Variants in SGIP1 observed in about 807,000 individuals in gnomAD.
SGIP1 encodes the protein SH3-containing GRB2-like protein 3-interacting protein 1.
Under a neutral mutation model 107.5 loss-of-function variants are expected in SGIP1, and 38 were observed. The ratio of observed to expected loss-of-function variants is 0.35; its 90% CI spans 0.27 to 0.46. The LOEUF (loss-of-function observed/expected upper bound fraction) is 0.46. Ranked by LOEUF, SGIP1 falls within the 20% of genes least tolerant of loss-of-function variation. The pLI, the probability that SGIP1 is intolerant of heterozygous loss-of-function variation, is 1.00. For missense variants in SGIP1, 929 were observed against 1,019.5 expected (o/e 0.91, Z 1.21); for synonymous variants, 365 against 366.1 (o/e 1.00, Z 0.03).
intron 18 of SGIP1, among the ~76,000 whole-genome samples, chr1:66,700,315 G>C (rs12063436): frequency 0.27 from 39,544 of 148,476 alleles, 5,442 homozygotes; most frequent in South Asian, 0.32. Flanking sequence ...AGGTTGCAGT[G>C]AGCCAAGATT....
At chr1:66,635,703 C>T (rs1307303672) in intron 3 of SGIP1, among the ~76,000 whole-genome samples, 1 of 152,114 alleles carries the variant, frequency 6.6e-6, no homozygotes, top group Non-Finnish European at 1.5e-5. Context: ...ACATATCTTC[C>T]TCCTCCTCCC....
chr1:66,534,362 A>T lies in SGIP1; in HGVS notation c.4A>T (p.Met2Leu). 2.5e-6 allele frequency: 4 copies of T among 1,614,100 alleles called. No individual in the cohort carries two copies. Among genetic ancestry groups the T allele is most frequent in the Non-Finnish European group, 3.4e-6 (4 of 1,180,000 alleles). Residue 2 changes from methionine (M) to leucine (L), a missense_variant, in exon 1 of 25, where the codon ATG becomes TTG. Met to Leu is a conservative substitution (Grantham distance 15). This residue lies in a region of SGIP1 where 588 missense variants were observed against 588.6 expected (regional missense o/e 1.00). Coordinates refer to ENST00000371037, the MANE Select transcript of SGIP1 (RefSeq NM_032291.4). M[M>L]EGLKKRTRKA... ...TAAGGAATGCAATTCTGCCACCATG[A>T]TGGAAGGTAGGATGCTTTCTGCTAT...
intron 1 of SGIP1, among the ~76,000 whole-genome samples, chr1:66,562,230 G>A (rs913902685): frequency 1.3e-5 from 2 of 151,910 alleles, no homozygotes; most frequent in South Asian, 2.1e-4. Flanking sequence ...TTTGGAGAGC[G>A]GCAACTTCTA....
At chr1:66,607,357 A>T (rs1193858862) in intron 1 of SGIP1, among the ~76,000 whole-genome samples, 1 of 152,210 alleles carries the variant, frequency 6.6e-6, no homozygotes, top group African/African-American at 2.4e-5. Context: ...TATAAATAAA[A>T]CCTGCTAGAC....
chr1:66,627,722 T>A (rs772551345), intron 2 of SGIP1, among the ~76,000 whole-genome samples: 46 of 152,326 alleles, frequency 3.0e-4, no homozygotes, highest in Admixed American at 1.7e-3. Context: ...GAGGATTATA[T>A]AATTTACATT....
intron 18 of SGIP1, among the ~76,000 whole-genome samples, chr1:66,710,822 T>C (rs769979330): frequency 2.0e-5 from 3 of 152,092 alleles, no homozygotes; most frequent in Non-Finnish European, 4.4e-5. Context: ...AAATTAAAAT[T>C]ATTAATTACT....
intron 8 of SGIP1, among the ~76,000 whole-genome samples, chr1:66,663,068 T>G (rs1254526476): frequency 2.0e-5 from 3 of 148,214 alleles, no homozygotes; most frequent in Non-Finnish European, 4.5e-5. Flanking sequence ...ACATTTCAAA[T>G]TAAAAAAAAA....
intron 1 of SGIP1, among the ~76,000 whole-genome samples, chr1:66,534,857 A>G (rs11208900): frequency 0.16 from 24,757 of 152,226 alleles, 2,193 homozygotes; most frequent in East Asian, 0.35. Flanking sequence ...TCTGCAGTTT[A>G]CATCATATTA....
At chr1:66,735,498 G>T (rs2094192901) in intron 21 of SGIP1, among the ~76,000 whole-genome samples, 1 of 152,004 alleles carries the variant, frequency 6.6e-6, no homozygotes, top group African/African-American at 2.4e-5. Flanking sequence ...GCCCAGCCAA[G>T]ATCAACTTTT....
At chr1:66,636,555 T>G (rs2075815075) in intron 4 of SGIP1, among the ~76,000 whole-genome samples, 1 of 152,210 alleles carries the variant, frequency 6.6e-6, no homozygotes. Flanking sequence ...GTTCCTCAGT[T>G]GCACTTGACA....
At chr1:66,660,139 A>AGGAGG (rs2080940203) in intron 7 of SGIP1, 2 of 50,802 alleles carry the variant, frequency 3.9e-5, no homozygotes, top group African/African-American at 3.0e-4. Flanking sequence ...AAAGAAAGAA[A>AGGAGG]GAAGAGAGAA....
At chr1:66,607,270 G>A (rs1375807788) in intron 1 of SGIP1, among the ~76,000 whole-genome samples, 3 of 152,114 alleles carry the variant, frequency 2.0e-5, no homozygotes, top group East Asian at 1.9e-4. Flanking sequence ...AAAGTGCCTC[G>A]AGGACAAGGA....
intron 18 of SGIP1, among the ~76,000 whole-genome samples, chr1:66,709,297 T>C (rs149511682): frequency 6.7e-6 from 1 of 148,548 alleles, no homozygotes; most frequent in South Asian, 2.1e-4. Context: ...AAGGAGAACA[T>C]GTAGCACTCT....
chr1:66,711,722 G>T (rs1211079226), intron 18 of SGIP1, among the ~76,000 whole-genome samples: 2 of 152,112 alleles, frequency 1.3e-5, no homozygotes, highest in East Asian at 3.9e-4. Flanking sequence ...CAGTTGTTTG[G>T]CCTGATAGCC....
chr1:66,539,865 A>T (rs1271274161), intron 1 of SGIP1, among the ~76,000 whole-genome samples: 1 of 150,174 alleles, frequency 6.7e-6, no homozygotes, highest in African/African-American at 2.5e-5. Flanking sequence ...CTCTCCTCAG[A>T]GCTGTGTTTA....
At chr1:66,550,301 T>G (rs2057214802) in intron 1 of SGIP1, among the ~76,000 whole-genome samples, 2 of 152,140 alleles carry the variant, frequency 1.3e-5, no homozygotes, top group Non-Finnish European at 2.9e-5. Flanking sequence ...CCTAGCAGAT[T>G]GGTGAGAGGA....
At chr1:66,688,419 T>A (rs1025077498) in intron 15 of SGIP1, among the ~76,000 whole-genome samples, 1 of 152,214 alleles carries the variant, frequency 6.6e-6, no homozygotes, top group African/African-American at 2.4e-5. Context: ...ACGTTTGTCA[T>A]TGACAGCCAG....
At chr1:66,694,026 C>T (rs1045796910) in intron 17 of SGIP1, among the ~76,000 whole-genome samples, 1 of 152,204 alleles carries the variant, frequency 6.6e-6, no homozygotes, top group African/African-American at 2.4e-5. Context: ...TCCTGTTGAG[C>T]TGTCACTGCT....
rs2094521769 is a variant in SGIP1, at chr1:66,744,088, C to T, written c.*993C>T. ...TACCTCACGTCTTCCTCTTTACCCA[C>T]AGGAATCAAAACGCTGAGACTGAGA... On this transcript the variant is annotated 3_prime_UTR_variant, in exon 25 of 25. Transcript: ENST00000371037. The T allele has an allele frequency of 6.6e-6, 1 of 152,028 alleles. No homozygotes were observed. Among genetic ancestry groups the T allele is most frequent in the African/African-American group, 2.4e-5 (1 of 41,398 alleles). 9.4% of individuals were successfully genotyped at this position (152,028 alleles called of 1,614,324 possible).
Sources: gnomAD v4.1 joint callset for allele counts (sites outside exome capture counted in the v4.1 genomes callset) on GRCh38, gnomAD v4.1.1 for gene constraint, gnomAD v4.1.1 regional missense constraint, MANE v1.5 for transcripts, NCBI Gene and HGNC (gene_info 2026-07-23, HGNC 2026-07-21) for gene names.